The following FRK variants were observed in gnomAD, a reference collection of about 807,000 sequenced individuals.
The protein encoded by FRK is tyrosine-protein kinase FRK.
Under a neutral mutation model 56.4 loss-of-function variants are expected in FRK, and 51 were observed. That is an observed-to-expected ratio of 0.90 (90% CI 0.72 to 1.14). The LOEUF is 1.14. FRK is among the 50% of genes most tolerant of loss of function. The pLI is 0.00. For missense variants in FRK, 570 were observed against 601.4 expected (o/e 0.95, Z 0.55); for synonymous variants, 245 against 217.9 (o/e 1.12, Z -1.10).
chr6:116,039,176 T>A lies in FRK; in HGVS notation c.344+20792A>T, dbSNP rs558537719. 5 of 1,216,398 alleles carry A rather than the reference T, an allele frequency of 4.1e-6. No homozygotes were observed. The East Asian group carries it at 9.3e-5, about 23-fold the overall frequency. The allele number at this position is 1,216,398 out of a possible 1,614,324, so 75.4% of individuals were successfully genotyped here. A position where few individuals can be genotyped will look rare whatever the true frequency, so the allele number is the denominator to read the frequency against. ...AAGGGAAGTGGCATCACTGAGAAGT[T>A]TGTTTTCGAGAAGAAAGAGGTCATC... On this transcript the variant is annotated intron_variant, in intron 1 of 7. Transcript: ENST00000606080.
intron 2 of FRK, among the ~76,000 whole-genome samples, chr6:115,996,423 G>A (rs1237583566): frequency 4.6e-5 from 7 of 152,056 alleles, no homozygotes; most frequent in Admixed American, 2.0e-4. Context: ...AGTTTAGGAC[G>A]AACTCTGTGC....
At chr6:116,028,080 T>G (rs945540749) in intron 1 of FRK, among the ~76,000 whole-genome samples, 2 of 152,068 alleles carry the variant, frequency 1.3e-5, no homozygotes, top group African/African-American at 4.8e-5. Flanking sequence ...ACCAGATGTG[T>G]AGGAGGTTTT....
At chr6:116,053,149 T>C (rs553310795) in intron 1 of FRK, among the ~76,000 whole-genome samples, 1 of 152,196 alleles carries the variant, frequency 6.6e-6, no homozygotes, top group South Asian at 2.1e-4. Flanking sequence ...AGGCATACCA[T>C]AGGCTAGGTC....
intron 1 of FRK, among the ~76,000 whole-genome samples, chr6:116,016,825 A>G (rs975748226): frequency 6.6e-6 from 1 of 152,178 alleles, no homozygotes; most frequent in Non-Finnish European, 1.5e-5. Flanking sequence ...AATAACACCA[A>G]TGTTAATAAC....
chr6:116,092,630 C>T, the FRK span, among the ~76,000 whole-genome samples: 7 of 152,180 alleles, frequency 4.6e-5, no homozygotes, highest in African/African-American at 1.7e-4. Flanking sequence ...AGTGTTTCTG[C>T]TGCTGCGTCA....
the FRK span, among the ~76,000 whole-genome samples, chr6:116,078,853 T>C: frequency 6.6e-6 from 1 of 152,204 alleles, no homozygotes; most frequent in Non-Finnish European, 1.5e-5. Context: ...AAGCATAGTT[T>C]AATTTTGCCT....
intron 4 of FRK, 87 bp from the exon 5 acceptor site, chr6:115,956,697 T>C: frequency 5.6e-6 from 6 of 1,066,948 alleles, no homozygotes; most frequent in Non-Finnish European, 7.9e-6. Flanking sequence ...CAAGATTGCC[T>C]CCTGCTTCTC....
At position 115,985,804 on chromosome 6, in the gene FRK, G is replaced by A. The variant is rs75895539; in HGVS notation, c.467-17065C>T. Reference sequence around the variant, plus strand: ...TATAGATGATGAAACTGAGGCTCACGCAGTGGATGCCCAGAGCTTCTGTTC... The same window carrying A: ...TATAGATGATGAAACTGAGGCTCACACAGTGGATGCCCAGAGCTTCTGTTC... On this transcript the variant is annotated intron_variant, in intron 2 of 7. Coordinates refer to ENST00000606080, the MANE Select transcript of FRK (RefSeq NM_002031.3). Among the ~76,000 whole-genome samples, 957 of 151,876 alleles carry A rather than the reference G, an allele frequency of 6.3e-3. 6 individuals carry two copies. Among genetic ancestry groups the A allele is most frequent in the Non-Finnish European group, 7.3e-3 (493 of 67,932 alleles).
At position 115,943,054 on chromosome 6, in the gene FRK, A is replaced by G; in HGVS notation, c.1272T>C (p.Tyr424=). 2 of 1,613,150 alleles carry G rather than the reference A, an allele frequency of 1.2e-6. No homozygotes were observed. Among genetic ancestry groups the G allele is most frequent in the Non-Finnish European group, 1.7e-6 (2 of 1,179,614 alleles). The part of the protein sequence containing the change: ...SDVWSFGILL[Y]EIITYGKMPY... The stretch of plus-strand genomic sequence containing the variant: ...GCATTTTGCCATAAGTAATGATTTC[A>G]TAAAGAAGGATTCCAAATGACCATA... The change falls in exon 7 of 8, where the codon TAT becomes TAC. Residue 424 remains tyrosine, a synonymous_variant. Transcript: ENST00000606080.
intron 1 of FRK, among the ~76,000 whole-genome samples, chr6:116,040,923 C>T (rs1286384673): frequency 6.6e-6 from 1 of 151,844 alleles, no homozygotes; most frequent in Non-Finnish European, 1.5e-5. Context: ...TTTTATAATA[C>T]TAAAAATTTT....
intron 1 of FRK, among the ~76,000 whole-genome samples, chr6:116,031,326 AT>A (rs1181770659): frequency 1.2e-4 from 19 of 152,278 alleles, no homozygotes; most frequent in African/African-American, 3.4e-4. Flanking sequence ...CTTTTGTATA[AT>A]AAATTTGTTA....
chr6:115,973,908 G>T (rs1427170131), intron 2 of FRK, among the ~76,000 whole-genome samples: 2 of 148,904 alleles, frequency 1.3e-5, no homozygotes, highest in Non-Finnish European at 3.0e-5. Context: ...GTCAAAGACA[G>T]CTGTAAACAA....
the FRK span, among the ~76,000 whole-genome samples, chr6:116,066,716 G>A: frequency 6.6e-6 from 1 of 152,126 alleles, no homozygotes; most frequent in Admixed American, 6.5e-5. Context: ...CCACCTTTCT[G>A]TTCACCACGG....
intron 1 of FRK, among the ~76,000 whole-genome samples, chr6:116,010,726 T>A (rs1775431444): frequency 1.3e-5 from 2 of 152,234 alleles, no homozygotes; most frequent in Admixed American, 1.3e-4. Flanking sequence ...AATTTCCTTA[T>A]AGCCTTGTTT....
intron 1 of FRK, among the ~76,000 whole-genome samples, chr6:116,016,510 G>A (rs1236139061): frequency 1.3e-5 from 2 of 152,050 alleles, no homozygotes; most frequent in Non-Finnish European, 1.5e-5. Flanking sequence ...ACATGACACA[G>A]AGACACACAC....
intron 1 of FRK, chr6:116,038,737 G>A: frequency 6.4e-6 from 3 of 468,648 alleles, no homozygotes; most frequent in Non-Finnish European, 1.3e-5. Context: ...CTGACCTTCA[G>A]CACCTCAGCT....
chr6:115,949,393 C>A (rs1224239886), intron 5 of FRK, among the ~76,000 whole-genome samples: 1 of 152,118 alleles, frequency 6.6e-6, no homozygotes, highest in South Asian at 2.1e-4. Context: ...CAGCTTTTGT[C>A]CAGTCAGTAT....
At chr6:115,943,236 T>G (rs989329507) in intron 6 of FRK, 51 bp from the exon 7 acceptor site, 10 of 1,097,652 alleles carry the variant, frequency 9.1e-6, no homozygotes, top group Non-Finnish European at 1.3e-5. Flanking sequence ...TTTTTTTTTT[T>G]GCTAACCTCA....
intron 1 of FRK, among the ~76,000 whole-genome samples, chr6:116,054,522 T>C (rs1257616841): frequency 5.5e-5 from 8 of 145,238 alleles, no homozygotes; most frequent in Non-Finnish European, 1.1e-4. Context: ...TACTATATAT[T>C]ATATATTATA....
Sources: gnomAD v4.1 joint callset for allele counts (sites outside exome capture counted in the v4.1 genomes callset) on GRCh38, gnomAD v4.1.1 for gene constraint, MANE v1.5 for transcripts, NCBI Gene and HGNC (gene_info 2026-07-23, HGNC 2026-07-21) for gene names.